NDFIP2: variants seen among roughly 807,000 people sequenced by gnomAD.
NDFIP2 encodes the protein NEDD4 family-interacting protein 2.
NDFIP2 carries 19 observed loss-of-function variants against 36.0 expected under a neutral mutation model. That is an observed-to-expected ratio of 0.53 (90% CI 0.37 to 0.77). The LOEUF is 0.77. Ranked by LOEUF, NDFIP2 falls within the 30% of genes least tolerant of loss-of-function variation. NDFIP2 has a pLI of 0.00. For synonymous variants in NDFIP2, 181 were observed against 167.7 expected (o/e 1.08, Z -0.61); for missense variants, 446 against 435.8 (o/e 1.02, Z -0.21).
chr13:79,487,484 A>G (rs1185115594), intron 1 of NDFIP2, among the ~76,000 whole-genome samples: 1 of 152,156 alleles, frequency 6.6e-6, no homozygotes, highest in African/African-American at 2.4e-5. Flanking sequence ...TTCTTGTACA[A>G]ATCTTTCTGT....
chr13:79,497,693 A>G (rs1433785028), intron 1 of NDFIP2, among the ~76,000 whole-genome samples: 1 of 127,914 alleles, frequency 7.8e-6, no homozygotes, highest in African/African-American at 3.0e-5. Context: ...CCTTGCATTA[A>G]CTCTCTCCCT....
intron 5 of NDFIP2, 97 bp from the exon 6 acceptor site, chr13:79,548,231 G>A: frequency 1.1e-6 from 1 of 939,876 alleles, no homozygotes; most frequent in South Asian, 1.5e-5. Context: ...AAGTGTTAAA[G>A]ATTATTTGAA....
At chr13:79,547,509 A>G (rs1228102156) in intron 5 of NDFIP2, among the ~76,000 whole-genome samples, 5 of 152,182 alleles carry the variant, frequency 3.3e-5, no homozygotes, top group Admixed American at 6.5e-5. Flanking sequence ...TTTAGGTGCT[A>G]AAGTTATCTG....
In NDFIP2 at chr13:79,553,632, CAT is replaced by C. The variant is rs1875990275; in HGVS notation, c.*1122_*1123del. On this transcript the variant is annotated 3_prime_UTR_variant, in exon 8 of 8. Coordinates refer to ENST00000218652, the MANE Select transcript of NDFIP2 (RefSeq NM_019080.3). ...GACTTTAGGATTAACTTGTAAAAAA[CAT>C]ATCCTGAACTGAGATATGCAAAATA... 6.6e-6 allele frequency: 1 copy of C among 151,868 alleles called. No homozygotes were observed. The highest frequency in any genetic ancestry group is 2.4e-5 in the African/African-American group (1 of 41,368). 9.4% of individuals were successfully genotyped at this position (151,868 alleles called of 1,614,324 possible). A position where few individuals can be genotyped will look rare whatever the true frequency, so the allele number is the denominator to read the frequency against.
chr13:79,489,908 C>A (rs1316566911), intron 1 of NDFIP2, among the ~76,000 whole-genome samples: 1 of 152,188 alleles, frequency 6.6e-6, no homozygotes, highest in Non-Finnish European at 1.5e-5. Context: ...ACATGATTTG[C>A]AAGGTCTAAT....
chr13:79,524,600 T>G (rs1436710190), intron 2 of NDFIP2, among the ~76,000 whole-genome samples: 2 of 152,192 alleles, frequency 1.3e-5, no homozygotes. Flanking sequence ...AGCAAACAGA[T>G]TCAGGATGGT....
In NDFIP2 at chr13:79,551,024, CCTTTT is replaced by C. The variant is rs1875888546; in HGVS notation, c.919_923del (p.Phe307GlnfsTer5). 1.3e-6 allele frequency: 2 copies of C among 1,594,274 alleles called. No individual in the cohort carries two copies. The highest frequency in any genetic ancestry group is 8.6e-7 in the Non-Finnish European group (1 of 1,169,208). On this transcript the variant is annotated frameshift_variant, in exon 7 of 8. Coordinates refer to ENST00000218652, the MANE Select transcript of NDFIP2 (RefSeq NM_019080.3). LOFTEE classifies it high-confidence loss of function. ...TTATTTCAACCTTCTCAGGCCTGCT[CCTTTT>C]CTTCAGAGGATTTGTTAATTATCTA...
chr13:79,483,803 G>T (rs1415955125), intron 1 of NDFIP2, among the ~76,000 whole-genome samples: 1 of 152,086 alleles, frequency 6.6e-6, no homozygotes, highest in Non-Finnish European at 1.5e-5. Flanking sequence ...AAAATTTATT[G>T]AGTAAAGCAG....
At chr13:79,549,679 G>C (rs1875825155) in intron 6 of NDFIP2, among the ~76,000 whole-genome samples, 1 of 151,950 alleles carries the variant, frequency 6.6e-6, no homozygotes. Flanking sequence ...GAAAATGCCT[G>C]AGAAGTAAAA....
Position 79,556,000 on chromosome 13 carries a change from A to G in NDFIP2, c.*3487A>G, listed in dbSNP as rs1876097007. ...TAGGTTGGGGTTGCAACATCTTTTA[A>G]CTTCTCAGTTATTTGTATGTCAGGA... On this transcript the variant is annotated 3_prime_UTR_variant, in exon 8 of 8. Coordinates refer to ENST00000218652, the MANE Select transcript of NDFIP2 (RefSeq NM_019080.3). The G allele has an allele frequency of 6.6e-6, 1 of 152,130 alleles. No homozygotes were observed. Among genetic ancestry groups the G allele is most frequent in the Non-Finnish European group, 1.5e-5 (1 of 67,998 alleles). The allele number at this position is 152,130 out of a possible 1,614,324, so 9.4% of individuals were successfully genotyped here.
intron 1 of NDFIP2, among the ~76,000 whole-genome samples, chr13:79,502,178 T>G (rs1404791463): frequency 6.6e-6 from 1 of 152,164 alleles, no homozygotes; most frequent in Non-Finnish European, 1.5e-5. Context: ...GTTATCCAGC[T>G]CATAGGTGGT....
intron 1 of NDFIP2, among the ~76,000 whole-genome samples, chr13:79,486,589 T>A (rs1873001885): frequency 6.6e-6 from 1 of 152,218 alleles, no homozygotes; most frequent in Admixed American, 6.5e-5. Context: ...TGGATGAACT[T>A]TGGCAAATTC....
intron 2 of NDFIP2, among the ~76,000 whole-genome samples, chr13:79,526,217 T>G (rs1874789381): frequency 6.6e-6 from 1 of 152,154 alleles, no homozygotes; most frequent in Non-Finnish European, 1.5e-5. Flanking sequence ...GATGCCCAAG[T>G]ATTACTGAAA....
At position 79,482,527 on chromosome 13, in the gene NDFIP2, A is replaced by C. The variant is rs890182052; in HGVS notation, c.321+1003A>C. ...ATTTACTGAGGGAGAGGAGAAAAAC[A>C]ATACATAGCACTGGTGATGCAGTTT... On this transcript the variant is annotated intron_variant, in intron 1 of 7. Transcript: ENST00000218652. Among the ~76,000 whole-genome samples the C allele has an allele frequency of 1.2e-4, 19 of 152,272 alleles. No homozygotes were observed. The East Asian group carries it at 2.3e-3, about 19-fold the overall frequency.
At chr13:79,543,431 G>C (rs893607449) in intron 4 of NDFIP2, 127 bp from the exon 5 acceptor site, 7 of 1,199,396 alleles carry the variant, frequency 5.8e-6, no homozygotes, top group Non-Finnish European at 8.3e-6. Context: ...TATAAAGAAG[G>C]CTTAATTGGC....
At chr13:79,547,982 G>C (rs1028676952) in intron 5 of NDFIP2, among the ~76,000 whole-genome samples, 8 of 152,020 alleles carry the variant, frequency 5.3e-5, no homozygotes, top group African/African-American at 1.7e-4. Flanking sequence ...TGGGATGGTA[G>C]TTGTGGTTTT....
chr13:79,555,027 A>C lies in NDFIP2; in HGVS notation c.*2514A>C, dbSNP rs543280895. The C allele has an allele frequency of 1.4e-3, 207 of 151,864 alleles. No individual in the cohort carries two copies. The highest frequency in any genetic ancestry group is 4.8e-3 in the African/African-American group (197 of 41,470). 9.4% of individuals were successfully genotyped at this position (151,864 alleles called of 1,614,324 possible). On this transcript the variant is annotated 3_prime_UTR_variant, in exon 8 of 8. Transcript: ENST00000218652. ...AATCCCATTACATTTGGTTAAAATGAAAATCTCTGCTTAATGGAAAAAATA... is the reference window on the plus strand; with the variant it reads ...AATCCCATTACATTTGGTTAAAATGCAAATCTCTGCTTAATGGAAAAAATA...
chr13:79,532,294 A>G (rs1160636920), intron 2 of NDFIP2, among the ~76,000 whole-genome samples: 1 of 152,248 alleles, frequency 6.6e-6, no homozygotes, highest in East Asian at 1.9e-4. Flanking sequence ...TATTTGCAAA[A>G]TGCACAAAAG....
intron 1 of NDFIP2, among the ~76,000 whole-genome samples, chr13:79,482,047 G>A (rs1226140585): frequency 6.6e-6 from 1 of 151,866 alleles, no homozygotes; most frequent in Admixed American, 6.6e-5. Flanking sequence ...AGAAAGACTA[G>A]CCATAATGCT....
Sources: gnomAD v4.1 joint callset for allele counts (sites outside exome capture counted in the v4.1 genomes callset) on GRCh38, gnomAD v4.1.1 for gene constraint, MANE v1.5 for transcripts, NCBI Gene and HGNC (gene_info 2026-07-23, HGNC 2026-07-21) for gene names.